SLC38A11: variants seen among roughly 807,000 people sequenced by gnomAD.
SLC38A11 encodes the protein solute carrier family 38 member 11, also known as putative sodium-coupled neutral amino acid transporter 11.
A neutral mutation model predicts 49.4 loss-of-function variants in SLC38A11; 51 were observed. The ratio of observed to expected loss-of-function variants is 1.03; its 90% CI spans 0.83 to 1.30. The LOEUF (loss-of-function observed/expected upper bound fraction) is 1.30, where lower values mean the gene tolerates loss of function less well. SLC38A11 is among the 50% of genes most tolerant of loss of function. SLC38A11 has a pLI of 0.00. For synonymous variants in SLC38A11, 203 were observed against 192.9 expected, an observed-to-expected ratio of 1.05 and a Z score of -0.43; for missense variants, 574 against 556.2, an observed-to-expected ratio of 1.03 and a Z score of -0.32.
intron 7 of SLC38A11, among the ~76,000 whole-genome samples, chr2:164,921,306 T>C (rs974192785): frequency 5.9e-5 from 9 of 152,284 alleles, no homozygotes; most frequent in African/African-American, 2.2e-4. Flanking sequence ...TTTCATAAAA[T>C]CAAGTTAATA....
chr2:164,946,070 A>G (rs868735170), intron 3 of SLC38A11, among the ~76,000 whole-genome samples: 1 of 152,222 alleles, frequency 6.6e-6, no homozygotes, highest in Non-Finnish European at 1.5e-5. Context: ...TTGAGGCTCA[A>G]TTGTCAAGGA....
Position 164,954,649 on chromosome 2 carries a change from T to A in SLC38A11, c.136A>T (p.Ile46Leu). The A allele has an allele frequency of 6.5e-7, 1 of 1,529,684 alleles. No homozygotes were observed. The highest frequency in any genetic ancestry group is 1.3e-5 in the South Asian group (1 of 79,932). The allele number at this position is 1,529,684 out of a possible 1,614,324, so 94.8% of individuals were successfully genotyped here. The change falls in exon 2 of 12, where the codon ATA becomes TTA. Residue 46 changes from isoleucine (I) to leucine (L), a missense_variant. Ile to Leu is a conservative substitution (Grantham distance 5). Coordinates refer to ENST00000685975, the MANE Select transcript of SLC38A11 (RefSeq NM_001351537.2). ...CACTTACCTATTATACCAGATCCTA[T>A]AATCGAGTTGACAACATTAAAAAGA... ...AALFNVVNSIIGSGIIGLPYS... is the reference protein window; with the variant it reads ...AALFNVVNSILGSGIIGLPYS...
chr2:164,919,857 A>C (rs1686058172), intron 7 of SLC38A11, among the ~76,000 whole-genome samples: 1 of 152,178 alleles, frequency 6.6e-6, no homozygotes, highest in African/African-American at 2.4e-5. Flanking sequence ...ACAGAGGGCC[A>C]TGATCAAGAA....
intron 7 of SLC38A11, among the ~76,000 whole-genome samples, chr2:164,919,758 G>C (rs1219427771): frequency 6.6e-6 from 1 of 152,060 alleles, no homozygotes; most frequent in Non-Finnish European, 1.5e-5. Context: ...TTTAAAATTT[G>C]TATCATTATT....
In SLC38A11 at chr2:164,954,744, C is replaced by G. The variant is rs771845634; in HGVS notation, c.41G>C (p.Arg14Thr). The change falls in exon 2 of 12, where the codon AGA (arginine) becomes ACA (threonine). Residue 14 changes from arginine to threonine, a missense_variant and splice_region_variant. Coordinates refer to ENST00000685975, the MANE Select transcript of SLC38A11 (RefSeq NM_001351537.2). ...QRQEPVIPPQ[R>T]DLDDRETLVS... is the part of the protein sequence containing the mutation. ...AAGGGTTTCTCTGTCATCTAAATCT[C>G]TCTAATAGATAAAATAGCAATTATA... is the stretch of plus-strand genomic sequence containing the variant. The G allele has an allele frequency of 4.1e-6, 6 of 1,463,216 alleles. No individual in the cohort carries two copies. Among genetic ancestry groups the G allele is most frequent in the African/African-American group, 1.4e-5 (1 of 70,328 alleles). The allele number at this position is 1,463,216 out of a possible 1,614,324, so 90.6% of individuals were successfully genotyped here.
chr2:164,925,908 C>G (rs547328781), intron 7 of SLC38A11, among the ~76,000 whole-genome samples: 39 of 152,214 alleles, frequency 2.6e-4, no homozygotes, highest in African/African-American at 9.1e-4. Flanking sequence ...GAGTTCTGGG[C>G]CATCTACCCA....
chr2:164,947,000 G>A (rs1250897365), intron 3 of SLC38A11, among the ~76,000 whole-genome samples: 1 of 151,078 alleles, frequency 6.6e-6, no homozygotes, highest in African/African-American at 2.4e-5. Flanking sequence ...TTCTCCTTTG[G>A]CCTTTGTGAC....
intron 10 of SLC38A11, among the ~76,000 whole-genome samples, chr2:164,909,557 C>G (rs776294675): frequency 3.3e-4 from 50 of 151,098 alleles, no homozygotes; most frequent in Non-Finnish European, 6.3e-4. Context: ...TTACAGTAAT[C>G]TCCTTTACAG....
At chr2:164,928,451 G>A (rs986498676) in intron 7 of SLC38A11, among the ~76,000 whole-genome samples, 3 of 152,134 alleles carry the variant, frequency 2.0e-5, no homozygotes, top group African/African-American at 7.2e-5. Context: ...GCATCCAGTT[G>A]ATGATTCAGC....
At chr2:164,946,954 G>A (rs541474816) in intron 3 of SLC38A11, among the ~76,000 whole-genome samples, 1 of 151,758 alleles carries the variant, frequency 6.6e-6, no homozygotes, top group Non-Finnish European at 1.5e-5. Context: ...ACTGTTTCTC[G>A]TTGTCGTTGT....
Position 164,911,676 on chromosome 2 carries a change from A to G in SLC38A11, c.923T>C (p.Val308Ala). The G allele has an allele frequency of 6.2e-7, 1 of 1,606,972 alleles. No individual in the cohort carries two copies. Among genetic ancestry groups the G allele is most frequent in the Non-Finnish European group, 8.5e-7 (1 of 1,176,520 alleles). ...TFGRFCYGVTVILTYPMECFV... is the reference protein window; with the variant it reads ...TFGRFCYGVTAILTYPMECFV... ...GCATTCCATAGGGTATGTCAAAATG[A>G]CAGTGACACCATAACAAAATCTTCC... is the stretch of plus-strand genomic sequence containing the variant. The change falls in exon 10 of 12, where the codon GTC (valine) becomes GCC (alanine). Residue 308 changes from valine (V) to alanine (A), a missense_variant. Coordinates refer to ENST00000685975, the MANE Select transcript of SLC38A11 (RefSeq NM_001351537.2).
chr2:164,955,524 C>T lies in SLC38A11; in HGVS notation c.-277G>A. On this transcript the variant is annotated 5_prime_UTR_variant, in exon 1 of 12. Coordinates refer to ENST00000685975, the MANE Select transcript of SLC38A11 (RefSeq NM_001351537.2). ...GAGACGGAGATGCTGCAGGATGTTT[C>T]TGATCCGGGCAGCCCTGTCTCCCCG... 4.0e-6 allele frequency: 2 copies of T among 503,784 alleles called. No individual in the cohort carries two copies. Among genetic ancestry groups the T allele is most frequent in the Non-Finnish European group, 3.6e-6 (1 of 280,026 alleles). 31.2% of individuals were successfully genotyped at this position (503,784 alleles called of 1,614,324 possible). A position where few individuals can be genotyped will look rare whatever the true frequency, so the allele number is the denominator to read the frequency against.
chr2:164,913,322 C>G (rs572777862), intron 9 of SLC38A11, among the ~76,000 whole-genome samples: 2 of 152,158 alleles, frequency 1.3e-5, no homozygotes, highest in South Asian at 4.1e-4. Flanking sequence ...GTTCCCCGTT[C>G]ACTAACCTCC....
Position 164,897,260 on chromosome 2 carries a change from C to G in SLC38A11, c.*1177G>C, listed in dbSNP as rs747602670. 1.3e-5 allele frequency: 2 copies of G among 152,186 alleles called. No homozygotes were observed. The highest frequency in any genetic ancestry group is 2.9e-5 in the Non-Finnish European group (2 of 68,038). 9.4% of individuals were successfully genotyped at this position (152,186 alleles called of 1,614,324 possible). ...CTATCAGTAGACCACCTCGAGCTCT[C>G]AGTTCCTTTAGGGTTTGCTCTGCTG... is the stretch of plus-strand genomic sequence containing the variant. On this transcript the variant is annotated 3_prime_UTR_variant, in exon 12 of 12. Coordinates refer to ENST00000685975, the MANE Select transcript of SLC38A11 (RefSeq NM_001351537.2).
In SLC38A11 at chr2:164,945,695, C is replaced by A. The variant is rs1023067229; in HGVS notation, c.262G>T (p.Ala88Ser). Residue 88 changes from alanine (A) to serine (S), a missense_variant, in exon 4 of 12, where the codon GCC becomes TCC. Ala to Ser is a moderately conservative substitution (Grantham distance 99, BLOSUM62 1). Transcript: ENST00000685975. The stretch of plus-strand genomic sequence containing the variant: ...TGGTAGGTATCTGTTCCAGAGAGGG[C>A]CCCTCCTTTTATCAATAAAACAAGG... Reference protein sequence around the residue: ...FSLVLLIKGGALSGTDTYQSL... With the variant: ...FSLVLLIKGGSLSGTDTYQSL... The A allele has an allele frequency of 1.4e-5, 22 of 1,607,188 alleles. No individual in the cohort carries two copies. The highest frequency in any genetic ancestry group is 1.9e-5 in the Non-Finnish European group (22 of 1,178,500).
At position 164,955,465 on chromosome 2, in the gene SLC38A11, C is replaced by T; in HGVS notation, c.-218G>A. ...GTGGCAGCCTGGGGCGCTTTTCCACCGGAGTTCGCCCAGACAAATGTATTT... is the reference window on the plus strand; with the variant it reads ...GTGGCAGCCTGGGGCGCTTTTCCACTGGAGTTCGCCCAGACAAATGTATTT... On this transcript the variant is annotated 5_prime_UTR_variant, in exon 1 of 12. Coordinates refer to ENST00000685975, the MANE Select transcript of SLC38A11 (RefSeq NM_001351537.2). 1.8e-6 allele frequency: 1 copy of T among 555,278 alleles called. No homozygotes were observed. The highest frequency in any genetic ancestry group is 2.2e-5 in the South Asian group (1 of 44,972). The allele number at this position is 555,278 out of a possible 1,614,324, so 34.4% of individuals were successfully genotyped here.
At chr2:164,902,185 T>C (rs1157041739) in intron 11 of SLC38A11, among the ~76,000 whole-genome samples, 5 of 151,826 alleles carry the variant, frequency 3.3e-5, no homozygotes, top group African/African-American at 9.7e-5. Flanking sequence ...CATGCTACCA[T>C]GTCTGGGTAA....
chr2:164,906,206 T>C (rs1479118121), intron 11 of SLC38A11, among the ~76,000 whole-genome samples: 1 of 152,188 alleles, frequency 6.6e-6, no homozygotes, highest in Admixed American at 6.6e-5. Context: ...AACAAATTTG[T>C]GGACTCAAAC....
chr2:164,924,468 T>A (rs1686428799), intron 7 of SLC38A11, among the ~76,000 whole-genome samples: 1 of 152,148 alleles, frequency 6.6e-6, no homozygotes, highest in African/African-American at 2.4e-5. Flanking sequence ...AATAAACCCA[T>A]GTAACAAACC....
Sources: allele counts gnomAD v4.1 joint callset (sites outside exome capture counted in the v4.1 genomes callset), GRCh38; gene constraint gnomAD v4.1.1; transcripts MANE v1.5; gene names NCBI Gene and HGNC (gene_info 2026-07-23, HGNC 2026-07-21).